The following GRIP1 variants were observed in gnomAD, a reference collection of about 807,000 sequenced individuals.
GRIP1 encodes glutamate receptor interacting protein 1.
GRIP1 carries 45 observed loss-of-function variants against 129.9 expected under a neutral mutation model. That is an observed-to-expected ratio of 0.35 (90% CI 0.27 to 0.44). GRIP1 has a LOEUF of 0.44. Ranked by LOEUF, GRIP1 falls within the 20% of genes least tolerant of loss-of-function variation. The pLI is 1.00. For missense variants in GRIP1, 1,196 were observed against 1,396.8 expected, an observed-to-expected ratio of 0.86 and a Z score of 2.29; for synonymous variants, 530 against 520.8, an observed-to-expected ratio of 1.02 and a Z score of -0.24.
rs554024325 is a variant in GRIP1 at position 66,700,559 on chromosome 12, C to T, written c.-419-70223G>A. On this transcript the variant is annotated intron_variant, in intron 1 of 4. Coordinates refer to the GRIP1 transcript ENST00000538373. ...AACTCCTTGGCTTAAGTGATCCTCC[C>T]GCCTCAGGCTCCTGAGTAGCTAGGA... Among the ~76,000 whole-genome samples the T allele has an allele frequency of 8.5e-5, 13 of 152,122 alleles. 1 individual carries two copies. The South Asian group carries it at 1.5e-3, about 17-fold the overall frequency.
intron 2 of GRIP1, among the ~76,000 whole-genome samples, chr12:66,549,424 T>A (rs1036251453): frequency 6.6e-6 from 1 of 152,172 alleles, no homozygotes; most frequent in African/African-American, 2.4e-5. Context: ...TATAGCTATA[T>A]CTGTGTACTA....
intron 1 of GRIP1, among the ~76,000 whole-genome samples, chr12:66,622,662 T>C (rs2065325874): frequency 6.6e-6 from 1 of 152,090 alleles, no homozygotes; most frequent in Non-Finnish European, 1.5e-5. Flanking sequence ...ACATGGCACA[T>C]GGTTTTCTCT....
intron 1 of GRIP1, among the ~76,000 whole-genome samples, chr12:66,962,190 T>C (rs2041931085): frequency 6.6e-6 from 1 of 152,202 alleles, no homozygotes; most frequent in Admixed American, 6.5e-5. Context: ...TTTTAAAGTT[T>C]AGAAAGAAAC....
Position 66,349,131 on chromosome 12 carries a change from G to A in GRIP1, c.3275C>T (p.Ser1092Phe). 6.2e-7 allele frequency: 1 copy of A among 1,613,878 alleles called. No individual in the cohort carries two copies. The change falls in exon 25 of 25, where the codon TCT (serine) becomes TTT (phenylalanine). Residue 1092 changes from serine to phenylalanine, a missense_variant. Ser to Phe is a radical substitution (Grantham distance 155, BLOSUM62 -2). Coordinates refer to ENST00000359742, the MANE Select transcript of GRIP1 (RefSeq NM_001366722.1). ...ISRNPLASQK[S>F]IDQQSLPGDW... The stretch of plus-strand genomic sequence containing the variant: ...TCCTGGTAGACTCTGTTGGTCTATA[G>A]ACTTCTGTGAAGCCAGTGGGTTTCT...
At chr12:67,058,092 T>G (rs1004009047) in intron 1 of GRIP1, among the ~76,000 whole-genome samples, 2 of 152,242 alleles carry the variant, frequency 1.3e-5, no homozygotes, top group African/African-American at 4.8e-5. Flanking sequence ...TCAGTAATAG[T>G]AGATATAAAT....
chr12:66,496,289 T>G (rs1364564657), intron 7 of GRIP1, among the ~76,000 whole-genome samples: 1 of 152,158 alleles, frequency 6.6e-6, no homozygotes, highest in Non-Finnish European at 1.5e-5. Context: ...TGGCAGGAGC[T>G]GGACCACGAA....
chr12:66,363,318 A>G (rs1268372596), intron 23 of GRIP1, among the ~76,000 whole-genome samples: 3 of 146,536 alleles, frequency 2.0e-5, no homozygotes, highest in Non-Finnish European at 4.5e-5. Flanking sequence ...GTTGTGGCTC[A>G]CTGCAGGCTT....
At chr12:66,619,202 G>A (rs182415231) in intron 1 of GRIP1, among the ~76,000 whole-genome samples, 72 of 152,174 alleles carry the variant, frequency 4.7e-4, no homozygotes, top group African/African-American at 1.6e-3. Flanking sequence ...AATAGTTTGG[G>A]ATCCATAGGG....
intron 9 of GRIP1, 148 bp downstream of exon 9, chr12:66,462,776 T>C (rs11176201): frequency 0.2 from 119,097 of 584,722 alleles, 15,045 homozygotes; most frequent in African/African-American, 0.45. Flanking sequence ...CATTCCAGTC[T>C]GGGGGACAGA....
intron 1 of GRIP1, among the ~76,000 whole-genome samples, chr12:66,694,933 T>C (rs980313898): frequency 6.6e-6 from 1 of 152,226 alleles, no homozygotes; most frequent in Non-Finnish European, 1.5e-5. Context: ...TCTCCTTTTG[T>C]GTCTTATCTG....
At chr12:66,963,106 T>C (rs941121796) in intron 1 of GRIP1, among the ~76,000 whole-genome samples, 1 of 151,976 alleles carries the variant, frequency 6.6e-6, no homozygotes, top group African/African-American at 2.4e-5. Flanking sequence ...AGCCCAGAGT[T>C]TGAGATCAGC....
intron 1 of GRIP1, chr12:67,035,493 G>A (rs915791866): frequency 6.6e-6 from 1 of 152,174 alleles, no homozygotes; most frequent in African/African-American, 2.4e-5. Context: ...GTAATTAGAT[G>A]TGCAAATGTA....
intron 1 of GRIP1, among the ~76,000 whole-genome samples, chr12:66,622,579 C>T (rs2065321917): frequency 6.6e-6 from 1 of 151,988 alleles, no homozygotes; most frequent in Non-Finnish European, 1.5e-5. Context: ...AATATATATA[C>T]AATGTGAGAG....
chr12:66,859,914 C>T (rs1459224005), intron 1 of GRIP1, among the ~76,000 whole-genome samples: 1 of 152,004 alleles, frequency 6.6e-6, no homozygotes, highest in Non-Finnish European at 1.5e-5. Context: ...ATCTGAAGGT[C>T]CCCTATCTGC....
intron 5 of GRIP1, among the ~76,000 whole-genome samples, chr12:66,522,666 T>C (rs185343039): frequency 1.3e-5 from 2 of 152,004 alleles, no homozygotes; most frequent in African/African-American, 4.8e-5. Context: ...TCACCAGCAA[T>C]GGAACAGAGC....
chr12:67,042,887 A>G (rs2043200055), intron 1 of GRIP1, among the ~76,000 whole-genome samples: 1 of 152,224 alleles, frequency 6.6e-6, no homozygotes, highest in African/African-American at 2.4e-5. Flanking sequence ...GAGGAACAGG[A>G]GCATAATACA....
At chr12:66,787,822 C>T (rs747795440) in intron 1 of GRIP1, among the ~76,000 whole-genome samples, 2 of 152,052 alleles carry the variant, frequency 1.3e-5, no homozygotes, top group Non-Finnish European at 2.9e-5. Flanking sequence ...AACTAAGATA[C>T]CCCCCAAAAG....
intron 1 of GRIP1, among the ~76,000 whole-genome samples, chr12:66,693,356 T>A (rs2035043676): frequency 6.6e-6 from 1 of 152,186 alleles, no homozygotes; most frequent in South Asian, 2.1e-4. Flanking sequence ...AAGAGCTCAT[T>A]TCACATTGGG....
intron 7 of GRIP1, among the ~76,000 whole-genome samples, chr12:66,507,995 A>T (rs1437183622): frequency 2.0e-5 from 3 of 152,196 alleles, no homozygotes; most frequent in Admixed American, 6.5e-5. Flanking sequence ...TTGGTTTTGC[A>T]TGCTAGCATA....
Sources: gnomAD v4.1 joint callset for allele counts (sites outside exome capture counted in the v4.1 genomes callset) on GRCh38, gnomAD v4.1.1 for gene constraint, MANE v1.5 for transcripts, NCBI Gene and HGNC (gene_info 2026-07-23, HGNC 2026-07-21) for gene names.